The following MANSC4 variants were observed in gnomAD, a reference collection of about 807,000 sequenced individuals.
The protein encoded by MANSC4 is MANSC domain containing 4.
Under a neutral mutation model 11.4 loss-of-function variants are expected in MANSC4, and 11 were observed. The ratio of observed to expected loss-of-function variants is 0.97; its 90% confidence interval spans 0.61 to 1.60. The LOEUF is 1.60. Among genes scored for constraint, MANSC4 ranks in the 40% most tolerant of loss-of-function variants. The pLI is 0.00. For missense variants in MANSC4, 354 were observed against 404.6 expected, an observed-to-expected ratio of 0.88 and a Z score of 1.07; for synonymous variants, 123 against 147.1, an observed-to-expected ratio of 0.84 and a Z score of 1.19.
In MANSC4 at chr12:27,762,675, C is replaced by A; in HGVS notation, c.*63G>T. ...CTATTTTTTTTTTTTAACCAAACTG[C>A]GTTTTCTTACACAAAACTAAAAATG... is the stretch of plus-strand genomic sequence containing the variant. On this transcript the variant is annotated 3_prime_UTR_variant, in exon 4 of 4. Transcript: ENST00000381273. 6 of 1,380,810 alleles carry A rather than the reference C, an allele frequency of 4.3e-6. No homozygotes were observed. Among genetic ancestry groups the A allele is most frequent in the Non-Finnish European group, 5.7e-6 (6 of 1,045,786 alleles). The allele number at this position is 1,380,810 out of a possible 1,614,324, so 85.5% of individuals were successfully genotyped here. A position where few individuals can be genotyped will look rare whatever the true frequency, so the allele number is the denominator to read the frequency against.
At chr12:27,768,730 G>A (rs1439168872) in intron 2 of MANSC4, among the ~76,000 whole-genome samples, 2 of 149,202 alleles carry the variant, frequency 1.3e-5, no homozygotes, top group African/African-American at 2.5e-5. Context: ...GGGTTCAAGC[G>A]ATTCTCCTGC....
intron 1 of MANSC4, chr12:27,779,927 G>C (rs1199094549): frequency 2.0e-5 from 3 of 151,336 alleles, no homozygotes; most frequent in African/African-American, 7.2e-5. Flanking sequence ...GCAGCTTCCC[G>C]GGCCTCCCCG....
chr12:27,770,441 A>G (rs1398301370), intron 2 of MANSC4, among the ~76,000 whole-genome samples: 2 of 152,162 alleles, frequency 1.3e-5, no homozygotes, highest in Middle Eastern at 3.4e-3. Flanking sequence ...TCGGCCTCCC[A>G]AAATTCTGAG....
Position 27,762,925 on chromosome 12 carries a change from G to C in MANSC4, c.836C>G (p.Ser279Cys). 6.4e-7 allele frequency: 1 copy of C among 1,552,130 alleles called. No homozygotes were observed. The highest frequency in any genetic ancestry group is 8.7e-7 in the Non-Finnish European group (1 of 1,147,120). The change falls in exon 4 of 4, where the codon TCT becomes TGT. Residue 279 changes from serine to cysteine, a missense_variant. Transcript: ENST00000381273. ...AACCAGCCAAGTCTTTGAAGTCACA[G>C]ATACCTCATCTTCATTTGCAGATGT... ...NHTSANEDEV[S>C]VTSKTWLVSV...
At chr12:27,773,851 T>G (rs11049136) in intron 1 of MANSC4, among the ~76,000 whole-genome samples, 24,568 of 152,124 alleles carry the variant, frequency 0.16, 2,540 homozygotes, top group Non-Finnish European at 0.23. Flanking sequence ...TTTTGCTTGT[T>G]AAAAAACAGG....
At chr12:27,778,890 A>T (rs1267436016) in intron 1 of MANSC4, among the ~76,000 whole-genome samples, 1 of 152,142 alleles carries the variant, frequency 6.6e-6, no homozygotes, top group African/African-American at 2.4e-5. Context: ...CTTTTCCGAG[A>T]CGGCGTCTCG....
chr12:27,777,750 A>G (rs1296525823), intron 1 of MANSC4, among the ~76,000 whole-genome samples: 1 of 152,004 alleles, frequency 6.6e-6, no homozygotes, highest in Non-Finnish European at 1.5e-5. Flanking sequence ...AACATTTTCT[A>G]TGTCTTTTAT....
At position 27,762,898 on chromosome 12, in the gene MANSC4, G is replaced by A; in HGVS notation, c.863C>T (p.Ser288Phe). ...VSVTSKTWLVSVALCTSVIFL... is the reference protein window; with the variant it reads ...VSVTSKTWLVFVALCTSVIFL... The stretch of plus-strand genomic sequence containing the variant: ...GATGACAGAGGTGCAAAGGGCCACA[G>A]AAACCAGCCAAGTCTTTGAAGTCAC... Residue 288 changes from serine (S) to phenylalanine (F), a missense_variant, in exon 4 of 4, where the codon TCT becomes TTT. Ser to Phe is a radical substitution (Grantham distance 155). Transcript: ENST00000381273. The A allele has an allele frequency of 6.4e-7, 1 of 1,552,204 alleles. No homozygotes were observed. The highest frequency in any genetic ancestry group is 8.7e-7 in the Non-Finnish European group (1 of 1,147,120).
rs569747684 is a variant in MANSC4 at position 27,769,691 on chromosome 12, C to A, written c.229+1357G>T. On this transcript the variant is annotated intron_variant, in intron 2 of 3. Coordinates refer to ENST00000381273, the MANE Select transcript of MANSC4 (RefSeq NM_001146221.5). ...AATTAATTATTGTAGCTCCAATTTTCATCTCAAAAATCTTACATACATAAT... is the reference window on the plus strand; with the variant it reads ...AATTAATTATTGTAGCTCCAATTTTAATCTCAAAAATCTTACATACATAAT... 1.8e-4 allele frequency among the ~76,000 whole-genome samples: 27 copies of A among 152,316 alleles called. No homozygotes were observed. The South Asian group carries it at 5.2e-3, about 29-fold the overall frequency.
rs370784291 is a variant in MANSC4 at position 27,771,225 on chromosome 12, A to G, written c.52T>C (p.Trp18Arg). 17 of 1,551,632 alleles carry G rather than the reference A, an allele frequency of 1.1e-5. No individual in the cohort carries two copies. The African/African-American group carries it at 1.8e-4, about 16-fold the overall frequency. The change falls in exon 2 of 4, where the codon TGG becomes CGG. Residue 18 changes from tryptophan to arginine, a missense_variant. Trp to Arg is a moderately radical substitution (Grantham distance 101). Coordinates refer to ENST00000381273, the MANE Select transcript of MANSC4 (RefSeq NM_001146221.5). ...GGTGAGCAGAGAGAGTCTGATGTCC[A>G]CCCCATGCTTAGGAGCAATATCACG... Reference protein sequence around the residue: ...VNVILLLSMGWTSDSLCSPTI... With the variant: ...VNVILLLSMGRTSDSLCSPTI...
intron 1 of MANSC4, among the ~76,000 whole-genome samples, chr12:27,774,895 G>A (rs1352680107): frequency 1.3e-5 from 2 of 151,986 alleles, no homozygotes; most frequent in African/African-American, 2.4e-5. Flanking sequence ...GTGGTGGCAG[G>A]TGCCTGTAGT....
chr12:27,778,558 G>GTAA (rs2062128486), intron 1 of MANSC4, among the ~76,000 whole-genome samples: 1 of 151,146 alleles, frequency 6.6e-6, no homozygotes, highest in African/African-American at 2.4e-5. Context: ...GCTGAAGCTT[G>GTAA]TAATAATAAA....
At chr12:27,766,601 G>C in intron 3 of MANSC4, 64 bp downstream of exon 3, 1 of 1,501,372 alleles carries the variant, frequency 6.7e-7, no homozygotes, top group Non-Finnish European at 9.0e-7. Context: ...CAGTTTCTCA[G>C]CTATATGCCT....
chr12:27,773,932 G>A (rs752765873), intron 1 of MANSC4, among the ~76,000 whole-genome samples: 17 of 152,152 alleles, frequency 1.1e-4, no homozygotes, highest in Non-Finnish European at 2.5e-4. Flanking sequence ...CGGATCACTA[G>A]AGGTCAGGAG....
chr12:27,779,901 C>G (rs887682329), intron 1 of MANSC4: 1 of 151,256 alleles, frequency 6.6e-6, no homozygotes, highest in Non-Finnish European at 1.5e-5. Flanking sequence ...CGTCCGCAGC[C>G]GAGGCGCCCG....
chr12:27,778,922 G>A (rs1261618697), intron 1 of MANSC4, among the ~76,000 whole-genome samples: 1 of 152,212 alleles, frequency 6.6e-6, no homozygotes, highest in Non-Finnish European at 1.5e-5. Flanking sequence ...AGGCTGGAGT[G>A]CAGTGGCGCG....
intron 3 of MANSC4, among the ~76,000 whole-genome samples, chr12:27,764,277 ATC>A (rs371048954): frequency 2.0e-5 from 3 of 150,666 alleles, no homozygotes; most frequent in South Asian, 4.2e-4. Flanking sequence ...CCTGCTGGTG[ATC>A]TCTCTCTCTC....
intron 1 of MANSC4, among the ~76,000 whole-genome samples, chr12:27,779,024 A>C (rs1345602385): frequency 2.0e-5 from 3 of 152,242 alleles, no homozygotes; most frequent in African/African-American, 7.2e-5. Context: ...GCGTGCCACC[A>C]CGCCCGGCTA....
In MANSC4 at chr12:27,762,769, T is replaced by C. The variant is rs1209923132; in HGVS notation, c.992A>G (p.Asn331Ser). The C allele has an allele frequency of 6.5e-7, 1 of 1,545,984 alleles. No individual in the cohort carries two copies. The highest frequency in any genetic ancestry group is 8.7e-7 in the Non-Finnish European group (1 of 1,144,970). Reference protein sequence around the residue: ...QRKSGSLQIKNRNHMKENSS With the variant: ...QRKSGSLQIKSRNHMKENSS ...AGAGTTCTCCTTCATATGGTTACGG[T>C]TTTTAATTTGCAAGGATCCTGATTT... Residue 331 changes from asparagine (N) to serine (S), a missense_variant, in exon 4 of 4, where the codon AAC (asparagine) becomes AGC (serine). Physicochemically the swap from Asn to Ser is conservative, Grantham distance 46. Transcript: ENST00000381273.
Sources: allele counts gnomAD v4.1 joint callset (sites outside exome capture counted in the v4.1 genomes callset), GRCh38; gene constraint gnomAD v4.1.1; transcripts MANE v1.5; gene names NCBI Gene and HGNC (gene_info 2026-07-23, HGNC 2026-07-21).